The following WRNIP1 variants were observed in gnomAD, a reference collection of about 807,000 sequenced individuals.
WRNIP1 encodes the protein ATPase WRNIP1.
WRNIP1 carries 41 observed loss-of-function variants against 56.1 expected under a neutral mutation model. The observed-to-expected ratio is 0.73, with a 90% CI of 0.57 to 0.95. The LOEUF (loss-of-function observed/expected upper bound fraction) is 0.95. Among genes scored for constraint, WRNIP1 ranks in the 40% least tolerant of loss-of-function variants. The pLI, the probability that WRNIP1 is intolerant of heterozygous loss-of-function variation, is 0.00. For synonymous variants in WRNIP1, 547 were observed against 398.1 expected (o/e 1.37, Z -4.45); for missense variants, 1,170 against 939.4 (o/e 1.25, Z -3.21).
intron 3 of WRNIP1, among the ~76,000 whole-genome samples, chr6:2,777,947 T>A (rs1765470367): frequency 6.6e-6 from 1 of 152,170 alleles, no homozygotes. Context: ...GCTGGCCAGT[T>A]GTCTTAGGTG....
intron 5 of WRNIP1, 127 bp from the exon 6 acceptor site, chr6:2,784,197 T>C: frequency 1.3e-6 from 1 of 749,478 alleles, no homozygotes; most frequent in Non-Finnish European, 2.2e-6. Context: ...AGTCAGGCTG[T>C]TTTGCTACAT....
chr6:2,775,900 G>T (rs147779536), intron 3 of WRNIP1, among the ~76,000 whole-genome samples: 1,645 of 152,270 alleles, frequency 0.011, 27 homozygotes, highest in African/African-American at 0.037. Context: ...CATGTAGGAT[G>T]TTATGACATT....
chr6:2,784,551 C>A, intron 6 of WRNIP1, 148 bp downstream of exon 6: 1 of 762,582 alleles, frequency 1.3e-6, no homozygotes, highest in Non-Finnish European at 2.1e-6. Context: ...CAATTGTAGA[C>A]TCTTAGACTC....
At chr6:2,780,718 AT>A (rs764896301) in intron 4 of WRNIP1, among the ~76,000 whole-genome samples, 1 of 152,192 alleles carries the variant, frequency 6.6e-6, no homozygotes, top group Non-Finnish European at 1.5e-5. Flanking sequence ...ATTTTAAGAC[AT>A]TAAAAAAATC....
At chr6:2,768,252 G>T (rs1765115187) in intron 1 of WRNIP1, among the ~76,000 whole-genome samples, 1 of 152,166 alleles carries the variant, frequency 6.6e-6, no homozygotes, top group Admixed American at 6.5e-5. Flanking sequence ...GCTGTCCTGA[G>T]CTTCCAGTTC....
At position 2,783,699 on chromosome 6, in the gene WRNIP1, A is replaced by T. The variant is rs1032990874; in HGVS notation, c.1642+138A>T. 23 of 660,470 alleles carry T rather than the reference A, an allele frequency of 3.5e-5. No homozygotes were observed. The Admixed American group carries it at 7.1e-4, about 20-fold the overall frequency. The allele number at this position is 660,470 out of a possible 1,614,324, so 40.9% of individuals were successfully genotyped here. A position where few individuals can be genotyped will look rare whatever the true frequency, so the allele number is the denominator to read the frequency against. ...GTAGCAGGAAGAATGTCTCAGGGCT[A>T]TGTGAGACTGGCAGGAGAAGATAAG... On this transcript the variant is annotated intron_variant, in intron 5 of 6. Coordinates refer to ENST00000380773, the MANE Select transcript of WRNIP1 (RefSeq NM_020135.3).
Position 2,770,822 on chromosome 6 carries a change from T to G in WRNIP1, c.1256+461T>G, listed in dbSNP as rs192097542. On this transcript the variant is annotated intron_variant, in intron 3 of 6. Coordinates refer to ENST00000380773, the MANE Select transcript of WRNIP1 (RefSeq NM_020135.3). ...TTAGCATTTTGTTAAAAAAAAAAAA[T>G]CAAGTAAAAATTAACTTGTAACCTT... 5.4e-4 allele frequency among the ~76,000 whole-genome samples: 82 copies of G among 152,012 alleles called. 1 individual carries two copies. Among genetic ancestry groups the G allele is most frequent in the African/African-American group, 1.9e-3 (80 of 41,388 alleles).
chr6:2,783,653 T>TTTTTTTTTGGG lies in WRNIP1; in HGVS notation c.1642+92_1642+93insTTTTTTTTGGG. ...TCGTGGCTTTTTTTTTTTTTTTTTT[T>TTTTTTTTTGGG]GCAGGGCGGGGTGGGCGGGGGTAGC... On this transcript the variant is annotated intron_variant, in intron 5 of 6. Transcript: ENST00000380773. The TTTTTTTTTGGG allele has an allele frequency of 1.5e-3, 181 of 120,076 alleles. 4 individuals are homozygous for TTTTTTTTTGGG. The highest frequency in any genetic ancestry group is 5.6e-3 in the African/African-American group (62 of 11,074). The allele number at this position is 120,076 out of a possible 1,614,324, so 7.4% of individuals were successfully genotyped here.
At chr6:2,782,766 A>G (rs1004352484) in intron 4 of WRNIP1, among the ~76,000 whole-genome samples, 26 of 152,148 alleles carry the variant, frequency 1.7e-4, no homozygotes, top group African/African-American at 5.3e-4. Flanking sequence ...TAGGGTAAAA[A>G]TGGAGTAGTA....
intron 3 of WRNIP1, among the ~76,000 whole-genome samples, chr6:2,777,305 C>G (rs1765455930): frequency 6.6e-6 from 1 of 151,790 alleles, no homozygotes; most frequent in South Asian, 2.1e-4. Context: ...TAAAATATTC[C>G]TCTCCTTGAG....
Position 2,766,394 on chromosome 6 carries a change from A to AC in WRNIP1, c.774dup (p.Asn259GlnfsTer31). 2 of 1,606,750 alleles carry AC rather than the reference A, an allele frequency of 1.2e-6. No homozygotes were observed. Among genetic ancestry groups the AC allele is most frequent in the Non-Finnish European group, 1.7e-6 (2 of 1,176,708 alleles). ...TACCCTGCTGCGCTCGCTCCTGGAG[A>AC]CCAACGAAATCCCCTCGCTTATCCT... is the stretch of plus-strand genomic sequence containing the variant. On this transcript the variant is annotated frameshift_variant, in exon 1 of 7. Transcript: ENST00000380773. LOFTEE classifies it high-confidence loss of function.
In WRNIP1 at chr6:2,770,358, C is replaced by T. The variant is rs1291580429; in HGVS notation, c.1253C>T (p.Ser418Leu). 1 of 1,614,082 alleles carries T rather than the reference C, an allele frequency of 6.2e-7. No homozygotes were observed. The highest frequency in any genetic ancestry group is 2.2e-5 in the East Asian group (1 of 44,886). The change falls in exon 3 of 7, where the codon TCA becomes TTA. Residue 418 changes from serine (S) to leucine (L), a missense_variant. Coordinates refer to ENST00000380773, the MANE Select transcript of WRNIP1 (RefSeq NM_020135.3). ...CTGAGCCACAGCAGCAACAGCAGCT[C>T]AGAGTAAGTTGACAGTGTGCAGCGT... Reference protein sequence around the residue: ...DPLSHSSNSSSEPAMFIEDKA... With the variant: ...DPLSHSSNSSLEPAMFIEDKA...
Position 2,770,402 on chromosome 6 carries a change from C to T in WRNIP1, c.1256+41C>T, listed in dbSNP as rs776597078. 7 of 1,606,764 alleles carry T rather than the reference C, an allele frequency of 4.4e-6. No homozygotes were observed. The East Asian group carries it at 8.9e-5, about 21-fold the overall frequency. ...GCAGCGTCCTGGGGGCACACACCTCCCAGAGAGTCTCCTGGCAGGGGGCCA... is the reference window on the plus strand; with the variant it reads ...GCAGCGTCCTGGGGGCACACACCTCTCAGAGAGTCTCCTGGCAGGGGGCCA... On this transcript the variant is annotated intron_variant, in intron 3 of 6. Transcript: ENST00000380773.
chr6:2,785,199 C>G lies in WRNIP1; in HGVS notation c.1915C>G (p.Pro639Ala), dbSNP rs369526890. The G allele has an allele frequency of 6.2e-6, 10 of 1,614,018 alleles. No homozygotes were observed. Among genetic ancestry groups the G allele is most frequent in the African/African-American group, 2.7e-5 (2 of 74,898 alleles). Residue 639 changes from proline to alanine, a missense_variant, in exon 7 of 7, where the codon CCC becomes GCC. Physicochemically the swap from Pro to Ala is conservative, Grantham distance 27. Transcript: ENST00000380773. ...LGYGKGYKYN[P>A]MYSEPVDQEY... ...CTATGGCAAAGGCTACAAGTACAAC[C>G]CCATGTACAGCGAGCCTGTGGATCA...
chr6:2,779,105 C>T (rs1377775124), intron 3 of WRNIP1, among the ~76,000 whole-genome samples, 158 bp from the exon 4 acceptor site: 1 of 152,208 alleles, frequency 6.6e-6, no homozygotes, highest in Non-Finnish European at 1.5e-5. Flanking sequence ...AGTTCGTAGT[C>T]TTGATGATGC....
At chr6:2,767,253 A>G (rs1765057446) in intron 1 of WRNIP1, among the ~76,000 whole-genome samples, 1 of 152,244 alleles carries the variant, frequency 6.6e-6, no homozygotes, top group East Asian at 1.9e-4. Flanking sequence ...TGAGCCAGAA[A>G]ACAGAGAAAG....
chr6:2,786,565 T>C lies in WRNIP1; in HGVS notation c.*1283T>C, dbSNP rs896599098. On this transcript the variant is annotated 3_prime_UTR_variant, in exon 7 of 7. Coordinates refer to ENST00000380773, the MANE Select transcript of WRNIP1 (RefSeq NM_020135.3). ...TCTGGCACAGGTGGCATGTACCCTC[T>C]AGTAGCTTTATGGAGCAGGGGTGTG... 2.0e-5 allele frequency: 3 copies of C among 152,258 alleles called. No individual in the cohort carries two copies. Among genetic ancestry groups the C allele is most frequent in the African/African-American group, 7.2e-5 (3 of 41,460 alleles). The allele number at this position is 152,258 out of a possible 1,614,324, so 9.4% of individuals were successfully genotyped here.
intron 2 of WRNIP1, 67 bp downstream of exon 2, chr6:2,768,949 C>G: frequency 1.4e-6 from 2 of 1,463,164 alleles, no homozygotes; most frequent in East Asian, 2.3e-5. Flanking sequence ...TGTGAGATCA[C>G]TATACAAACG....
intron 3 of WRNIP1, among the ~76,000 whole-genome samples, chr6:2,777,100 A>G (rs62393194): frequency 0.17 from 21,105 of 126,662 alleles, 1,835 homozygotes; most frequent in East Asian, 0.4. Context: ...AGTAGCTTTC[A>G]TTCTGCTGGA....
Sources: allele counts gnomAD v4.1 joint callset (sites outside exome capture counted in the v4.1 genomes callset), GRCh38; gene constraint gnomAD v4.1.1; transcripts MANE v1.5; gene names NCBI Gene and HGNC (gene_info 2026-07-23, HGNC 2026-07-21).